QKI: variants seen among roughly 807,000 people sequenced by gnomAD.
QKI encodes the protein QKI, KH domain containing RNA binding.
A neutral mutation model predicts 39.0 loss-of-function variants in QKI; 10 were observed. That is an observed-to-expected ratio of 0.26 (90% confidence interval 0.16 to 0.43). The LOEUF is 0.43. Ranked by LOEUF, QKI falls within the 20% of genes least tolerant of loss-of-function variation. QKI has a pLI of 1.00. For missense variants in QKI, 218 were observed against 428.0 expected (o/e 0.51, Z 4.33); for synonymous variants, 204 against 155.4 (o/e 1.31, Z -2.33).
chr6:163,421,859 C>T (rs1171793641), intron 1 of QKI, among the ~76,000 whole-genome samples: 1 of 152,020 alleles, frequency 6.6e-6, no homozygotes, highest in Non-Finnish European at 1.5e-5. Context: ...GTTCTCCTCC[C>T]TCAGCCTCCC....
At chr6:163,530,692 AT>A (rs1252185405) in intron 3 of QKI, among the ~76,000 whole-genome samples, 2 of 152,034 alleles carry the variant, frequency 1.3e-5, no homozygotes, top group African/African-American at 4.8e-5. Context: ...TGGATGAAAG[AT>A]TTTCTGAGGC....
intron 3 of QKI, among the ~76,000 whole-genome samples, chr6:163,511,133 G>C (rs1779445078): frequency 6.6e-6 from 1 of 151,798 alleles, no homozygotes; most frequent in South Asian, 2.1e-4. Flanking sequence ...ACACTTTTTT[G>C]TAATCAGTTG....
intron 3 of QKI, among the ~76,000 whole-genome samples, chr6:163,506,850 C>T (rs1250727308): frequency 6.6e-6 from 1 of 152,160 alleles, no homozygotes; most frequent in Non-Finnish European, 1.5e-5. Flanking sequence ...ACACCCCTTT[C>T]AGTGTTGTGT....
At position 163,525,805 on chromosome 6, in the gene QKI, A is replaced by T. The variant is rs148257667; in HGVS notation, c.403-9177A>T. ...GACGAGTGTCATCTGAAGTCGGTTT[A>T]ACTGAGTACATTGAGTCAGGTTTCT... On this transcript the variant is annotated intron_variant, in intron 3 of 7. Coordinates refer to ENST00000361752, the MANE Select transcript of QKI (RefSeq NM_006775.3). Among the ~76,000 whole-genome samples, 277 of 152,350 alleles carry T rather than the reference A, an allele frequency of 1.8e-3. 1 individual carries two copies. Among genetic ancestry groups the T allele is most frequent in the African/African-American group, 6.4e-3 (267 of 41,578 alleles).
At chr6:163,519,180 A>G (rs941811216) in intron 3 of QKI, among the ~76,000 whole-genome samples, 1 of 152,170 alleles carries the variant, frequency 6.6e-6, no homozygotes, top group African/African-American at 2.4e-5. Context: ...TTCACTGAAT[A>G]AACACCTGAG....
At position 163,572,670 on chromosome 6, in the gene QKI, A is replaced by ACACCC. The variant is rs1783759979; in HGVS notation, c.*1961_*1962insACCCC. 1.5e-4 allele frequency: 3 copies of ACACCC among 19,630 alleles called. No individual in the cohort carries two copies. The highest frequency in any genetic ancestry group is 1.7e-4 in the Non-Finnish European group (2 of 11,854). The allele number at this position is 19,630 out of a possible 1,614,324, so 1.2% of individuals were successfully genotyped here. On this transcript the variant is annotated 3_prime_UTR_variant, in exon 8 of 8. Transcript: ENST00000361752. The stretch of plus-strand genomic sequence containing the variant: ...CGTGGCAAATCTCAAGTGACAGTGG[A>ACACCC]CCCCCCCCCCCGCCCAGCTTATCAA...
chr6:163,481,665 G>C (rs1401107430), intron 3 of QKI, among the ~76,000 whole-genome samples: 1 of 152,144 alleles, frequency 6.6e-6, no homozygotes, highest in Non-Finnish European at 1.5e-5. Context: ...TGCCACTTTA[G>C]TTTTCATTTT....
At chr6:163,513,379 A>T (rs1028720250) in intron 3 of QKI, among the ~76,000 whole-genome samples, 8 of 152,242 alleles carry the variant, frequency 5.3e-5, no homozygotes, top group Admixed American at 1.3e-4. Flanking sequence ...TGATACATAA[A>T]ATACACAAAA....
chr6:163,428,599 T>A (rs1187034435), intron 1 of QKI, among the ~76,000 whole-genome samples: 2 of 152,198 alleles, frequency 1.3e-5, no homozygotes, highest in South Asian at 4.1e-4. Context: ...TACTGTTAGC[T>A]TTTTTAGTAG....
chr6:163,452,485 C>G lies in QKI; in HGVS notation c.143-2794C>G, dbSNP rs560425459. 3.1e-4 allele frequency among the ~76,000 whole-genome samples: 47 copies of G among 152,242 alleles called. No homozygotes were observed. In the South Asian group the frequency reaches 9.5e-3, roughly 31 times the overall value. ...CCATGACTTGTTTAACTTTAATGCT[C>G]CAGAAACCTAGCTCTTTCTTGCCTT... On this transcript the variant is annotated intron_variant, in intron 1 of 7. Coordinates refer to ENST00000361752, the MANE Select transcript of QKI (RefSeq NM_006775.3).
At chr6:163,488,432 G>T (rs892154454) in intron 3 of QKI, among the ~76,000 whole-genome samples, 1 of 152,190 alleles carries the variant, frequency 6.6e-6, no homozygotes, top group Non-Finnish European at 1.5e-5. Flanking sequence ...AAATACACAC[G>T]AATATTTTCA....
chr6:163,571,719 T>TTA lies in QKI; in HGVS notation c.*1009_*1010insTA, dbSNP rs1783711578. 6.7e-6 allele frequency: 1 copy of TTA among 149,932 alleles called. No homozygotes were observed. The highest frequency in any genetic ancestry group is 2.1e-4 in the South Asian group (1 of 4,770). 9.3% of individuals were successfully genotyped at this position (149,932 alleles called of 1,614,324 possible). On this transcript the variant is annotated 3_prime_UTR_variant, in exon 8 of 8. Transcript: ENST00000361752. ...TAGCATTTTATACTTTCAAGTGTTA[T>TTA]AAAAAAAAAGAAAAAGAACAAAGAA...
At chr6:163,547,108 CAG>C (rs1279710224) in intron 4 of QKI, among the ~76,000 whole-genome samples, 9 of 152,162 alleles carry the variant, frequency 5.9e-5, no homozygotes, top group Non-Finnish European at 1.0e-4. Context: ...TACTTTGTGA[CAG>C]TAATTTATGA....
intron 3 of QKI, among the ~76,000 whole-genome samples, chr6:163,490,550 C>A (rs56003099): frequency 1.3e-5 from 2 of 151,994 alleles, no homozygotes; most frequent in Non-Finnish European, 2.9e-5. Context: ...GAAATAGAAT[C>A]AACCAGGGTA....
At chr6:163,559,433 C>G (rs1782855629) in intron 4 of QKI, among the ~76,000 whole-genome samples, 1 of 50,456 alleles carries the variant, frequency 2.0e-5, no homozygotes, top group Non-Finnish European at 3.2e-5. Flanking sequence ...TAGTTTTTAG[C>G]AAATAAGTTG....
At chr6:163,490,853 A>G (rs1778006604) in intron 3 of QKI, among the ~76,000 whole-genome samples, 2 of 152,182 alleles carry the variant, frequency 1.3e-5, no homozygotes, top group Non-Finnish European at 2.9e-5. Context: ...CTGCCTAGAA[A>G]GTTCTTTCTT....
intron 1 of QKI, among the ~76,000 whole-genome samples, chr6:163,429,725 G>C (rs1329380005): frequency 6.6e-6 from 1 of 152,058 alleles, no homozygotes; most frequent in Non-Finnish European, 1.5e-5. Flanking sequence ...CGTGATTTTC[G>C]AATAATGTCA....
In QKI at chr6:163,536,187, G is replaced by T. The variant is rs564943759; in HGVS notation, c.546+1062G>T. Among the ~76,000 whole-genome samples, 241 of 151,848 alleles carry T rather than the reference G, an allele frequency of 1.6e-3. 1 individual carries two copies. The highest frequency in any genetic ancestry group is 3.4e-3 in the Middle Eastern group (1 of 294). ...AGATTTTATTTTTTTTAATGATCAG[G>T]TTAAATATAAACTAAAATCTATATT... On this transcript the variant is annotated intron_variant, in intron 4 of 7. Transcript: ENST00000361752.
intron 1 of QKI, 93 bp downstream of exon 1, chr6:163,415,428 G>T: frequency 7.6e-7 from 1 of 1,315,676 alleles, no homozygotes; most frequent in South Asian, 1.3e-5. Context: ...GAAGGTCACG[G>T]CCGGGCGGGA....
Sources: gnomAD v4.1 joint callset for allele counts (sites outside exome capture counted in the v4.1 genomes callset) on GRCh38, gnomAD v4.1.1 for gene constraint, MANE v1.5 for transcripts, NCBI Gene and HGNC (gene_info 2026-07-23, HGNC 2026-07-21) for gene names.